The following METTL23 variants were observed in gnomAD, a reference collection of about 807,000 sequenced individuals.
METTL23 encodes methyltransferase 23, arginine.
In METTL23, 24 loss-of-function variants were observed where a neutral mutation model predicts 21.2. That is an observed-to-expected ratio of 1.13 (90% CI 0.82 to 1.59). The LOEUF (loss-of-function observed/expected upper bound fraction) is 1.59, where lower values mean the gene tolerates loss of function less well. Among genes scored for constraint, METTL23 ranks in the 40% most tolerant of loss-of-function variants. The pLI is 0.00. For synonymous variants in METTL23, 97 were observed against 75.2 expected, an observed-to-expected ratio of 1.29 and a Z score of -1.50; for missense variants, 276 against 221.4, an observed-to-expected ratio of 1.25 and a Z score of -1.57.
chr17:76,732,900 A>G, intron 2 of METTL23, 78 bp from the exon 3 acceptor site: 3 of 1,197,914 alleles, frequency 2.5e-6, no homozygotes, highest in Non-Finnish European at 3.6e-6. Context: ...GCAAGAATAT[A>G]ATGAAAAAGT....
rs1053687340 is a variant in METTL23 at position 76,727,169 on chromosome 17, C to T, written c.-31C>T. 1 of 429,728 alleles carries T rather than the reference C, an allele frequency of 2.3e-6. No individual in the cohort carries two copies. The allele number at this position is 429,728 out of a possible 1,614,324, so 26.6% of individuals were successfully genotyped here. On this transcript the variant is annotated 5_prime_UTR_variant, in exon 1 of 5. In the 5' UTR this introduces an upstream ATG that the reference lacks. Transcript: ENST00000341249. ...CCGACGGGGCTGTCCTGGAGGTCCA[C>T]GTCCCGCAGGTGCGTGCAGCAGCAC...
upstream of METTL23, chr17:76,726,617 TC>T: frequency 8.6e-7 from 1 of 1,160,866 alleles, no homozygotes; most frequent in Non-Finnish European, 1.2e-6. Context: ...AAAGTCGCCT[TC>T]CAGAAAATTC....
chr17:76,728,479 C>G (rs2077057727), intron 1 of METTL23, among the ~76,000 whole-genome samples: 1 of 149,120 alleles, frequency 6.7e-6, no homozygotes, highest in South Asian at 2.1e-4. Context: ...GGCACAATCT[C>G]AGCTCACTGC....
chr17:76,729,453 TC>T (rs915711567), intron 1 of METTL23, among the ~76,000 whole-genome samples: 9 of 152,286 alleles, frequency 5.9e-5, no homozygotes, highest in Non-Finnish European at 1.0e-4. Context: ...GAGAGCTATA[TC>T]CCCAGTCTGA....
At chr17:76,728,409 C>T (rs914683506) in intron 1 of METTL23, among the ~76,000 whole-genome samples, 4 of 72,954 alleles carry the variant, frequency 5.5e-5, no homozygotes, top group South Asian at 1.2e-3. Flanking sequence ...TCTGGCTTCA[C>T]GGATTTTTTT....
intron 1 of METTL23, 22 bp from the exon 2 acceptor site, chr17:76,729,668 C>A: frequency 6.9e-7 from 1 of 1,459,800 alleles, no homozygotes; most frequent in Non-Finnish European, 9.4e-7. Context: ...TTATTTATGG[C>A]ACACAAAAAC....
At chr17:76,732,862 AAGAC>A (rs1237782558) in intron 2 of METTL23, 112 bp from the exon 3 acceptor site, 1 of 823,798 alleles carries the variant, frequency 1.2e-6, no homozygotes, top group Non-Finnish European at 1.9e-6. Flanking sequence ...CAAACCCAGA[AAGAC>A]TGACTCTATG....
rs768089057 is a variant in METTL23 at position 76,726,961 on chromosome 17, T to C, written c.-239T>C. The C allele has an allele frequency of 1.5e-5, 7 of 456,720 alleles. No homozygotes were observed. Among genetic ancestry groups the C allele is most frequent in the South Asian group, 1.1e-4 (7 of 64,568 alleles). 28.3% of individuals were successfully genotyped at this position (456,720 alleles called of 1,614,324 possible). On this transcript the variant is annotated 5_prime_UTR_variant, in exon 1 of 5. Coordinates refer to ENST00000341249, the MANE Select transcript of METTL23 (RefSeq NM_001080510.5). Reference sequence around the variant, plus strand: ...CACCAGATCTGGGCTTTCCCCTTCTTGCCGTCAGGTGCTACGGCCACGTGG... The same window carrying C: ...CACCAGATCTGGGCTTTCCCCTTCTCGCCGTCAGGTGCTACGGCCACGTGG...
chr17:76,733,032 G>A lies in METTL23; in HGVS notation c.139G>A (p.Val47Ile), dbSNP rs767328523. 2 of 1,599,268 alleles carry A rather than the reference G, an allele frequency of 1.3e-6. No homozygotes were observed. The highest frequency in any genetic ancestry group is 1.7e-5 in the Admixed American group (1 of 57,432). ...TTTGGCTGCCAAATGTGGTGCAGAA[G>A]TAATACTGTCAGACAGCTCAGAACT... ...GILAAKCGAEVILSDSSELPH... is the reference protein window; with the variant it reads ...GILAAKCGAEIILSDSSELPH... The change falls in exon 3 of 5, where the codon GTA becomes ATA. Residue 47 changes from valine to isoleucine, a missense_variant. Physicochemically the swap from Val to Ile is conservative, Grantham distance 29. Coordinates refer to ENST00000341249, the MANE Select transcript of METTL23 (RefSeq NM_001080510.5).
chr17:76,731,130 C>A (rs1191707049), intron 2 of METTL23, among the ~76,000 whole-genome samples: 1 of 150,558 alleles, frequency 6.6e-6, no homozygotes, highest in Non-Finnish European at 1.5e-5. Flanking sequence ...ATAAAATTAG[C>A]CAGGCCTGGT....
chr17:76,729,686 T>G lies in METTL23; in HGVS notation c.-21-4T>G. On this transcript the variant is annotated splice_region_variant and splice_polypyrimidine_tract_variant and intron_variant, in intron 1 of 4. Coordinates refer to ENST00000341249, the MANE Select transcript of METTL23 (RefSeq NM_001080510.5). ...TTTATGGCACACAAAAACATTCTTTTCAGGTCCTGCATCTCCAGTATGGAA... is the reference window on the plus strand; with the variant it reads ...TTTATGGCACACAAAAACATTCTTTGCAGGTCCTGCATCTCCAGTATGGAA... 1 of 1,552,314 alleles carries G rather than the reference T, an allele frequency of 6.4e-7. No individual in the cohort carries two copies. The highest frequency in any genetic ancestry group is 1.9e-5 in the Admixed American group (1 of 53,226).
upstream of METTL23, chr17:76,726,578 A>G: frequency 1.4e-6 from 2 of 1,429,716 alleles, no homozygotes; most frequent in East Asian, 2.6e-5. Flanking sequence ...GCAGTACCCA[A>G]ACGCCCTTCG....
upstream of METTL23, chr17:76,726,364 T>C (rs1568004053): frequency 3.1e-6 from 5 of 1,592,966 alleles, no homozygotes; most frequent in East Asian, 1.2e-4. Flanking sequence ...GCCGCCGGGC[T>C]CAGCGAGAAG....
intron 1 of METTL23, among the ~76,000 whole-genome samples, chr17:76,729,002 C>T (rs1298247154): frequency 6.7e-6 from 1 of 150,326 alleles, no homozygotes; most frequent in Admixed American, 6.6e-5. Flanking sequence ...GGTTTCACCG[C>T]GTTAGCCAGG....
chr17:76,728,642 C>T (rs939718634), intron 1 of METTL23, among the ~76,000 whole-genome samples: 1 of 151,962 alleles, frequency 6.6e-6, no homozygotes, highest in African/African-American at 2.4e-5. Context: ...AACTCCTGAC[C>T]TCAGGTGATG....
intron 2 of METTL23, 188 bp from the exon 3 acceptor site, chr17:76,732,790 G>C (rs1220151998): frequency 8.2e-6 from 5 of 608,880 alleles, no homozygotes; most frequent in Middle Eastern, 4.3e-4. Context: ...TAGCAGAGTA[G>C]ATTCATAAGG....
At chr17:76,730,737 G>A (rs1288429588) in intron 2 of METTL23, among the ~76,000 whole-genome samples, 11 of 152,208 alleles carry the variant, frequency 7.2e-5, no homozygotes, top group African/African-American at 2.4e-4. Context: ...GGAGGCCAAG[G>A]CGGGCGGATT....
rs1376870682 is a variant in METTL23, at chr17:76,733,703, G to A, written c.*17G>A. On this transcript the variant is annotated 3_prime_UTR_variant, in exon 5 of 5. Transcript: ENST00000341249. ...AGTCTCTGAATTATACCTACAACCTGTTCTGGGACAGTATCAATACTGATG... is the reference window on the plus strand; with the variant it reads ...AGTCTCTGAATTATACCTACAACCTATTCTGGGACAGTATCAATACTGATG... 1 of 1,605,928 alleles carries A rather than the reference G, an allele frequency of 6.2e-7. No individual in the cohort carries two copies. Among genetic ancestry groups the A allele is most frequent in the African/African-American group, 1.3e-5 (1 of 74,640 alleles).
At chr17:76,732,735 A>G (rs1237032960) in intron 2 of METTL23, 6 of 556,480 alleles carry the variant, frequency 1.1e-5, no homozygotes, top group Non-Finnish European at 1.9e-5. Context: ...CAGTTACGAT[A>G]CATGGCCCTT....
Sources: gnomAD v4.1 joint callset for allele counts (sites outside exome capture counted in the v4.1 genomes callset) on GRCh38, gnomAD v4.1.1 for gene constraint, MANE v1.5 for transcripts, NCBI Gene and HGNC (gene_info 2026-07-23, HGNC 2026-07-21) for gene names.